Variants in LGALS9B observed in about 807,000 individuals in gnomAD.
LGALS9B encodes the protein galectin 9B.
LGALS9B carries 8 observed loss-of-function variants against 35.9 expected under a neutral mutation model. The ratio of observed to expected loss-of-function variants is 0.22; its 90% CI spans 0.13 to 0.40. LGALS9B has a LOEUF of 0.40. LGALS9B is among the 10% of genes least tolerant of loss of function. LGALS9B has a pLI of 1.00. For missense variants in LGALS9B, 101 were observed against 397.9 expected, an observed-to-expected ratio of 0.25 and a Z score of 6.35; for synonymous variants, 42 against 148.6, an observed-to-expected ratio of 0.28 and a Z score of 5.22.
At chr17:20,465,852 T>A (rs2042759081) in intron 1 of LGALS9B, among the ~76,000 whole-genome samples, 2 of 149,290 alleles carry the variant, frequency 1.3e-5, no homozygotes, top group South Asian at 4.4e-4. Flanking sequence ...GCCAGATGGG[T>A]CACCGAGTGA....
At chr17:20,461,141 C>T (rs1179434173) in intron 1 of LGALS9B, among the ~76,000 whole-genome samples, 379 of 149,866 alleles carry the variant, frequency 2.5e-3, no homozygotes, top group African/African-American at 8.9e-3. Flanking sequence ...TTCTCTCTTC[C>T]GCGCCTCTTT....
chr17:20,451,101 T>C (rs2142407934), intron 10 of LGALS9B, among the ~76,000 whole-genome samples: 1 of 151,312 alleles, frequency 6.6e-6, no homozygotes, highest in African/African-American at 2.4e-5. Context: ...ATGTGTCTGC[T>C]TCATGACTGC....
In LGALS9B at chr17:20,456,579, C is replaced by T; in HGVS notation, c.426G>A (p.Leu142=). ...GTCTGACCTGGAAGCTGATGTAGGA[C>T]AGCTGCACAGAGCCATTGACGGAGA... ...DTISVNGSVQ[L]SYISFQNPRT... is the part of the protein sequence containing the mutation. Residue 142 remains leucine (L), a synonymous_variant, in exon 4 of 11, where the codon CTG becomes CTA. Coordinates refer to ENST00000423676, the MANE Select transcript of LGALS9B (RefSeq NM_001367292.2). 3 of 711,460 alleles carry T rather than the reference C, an allele frequency of 4.2e-6. 1 individual carries two copies. Among genetic ancestry groups the T allele is most frequent in the Non-Finnish European group, 5.5e-6 (3 of 548,716 alleles). The allele number at this position is 711,460 out of a possible 1,614,324, so 44.1% of individuals were successfully genotyped here.
At chr17:20,461,842 C>T (rs865787714) in intron 1 of LGALS9B, among the ~76,000 whole-genome samples, 145 of 24,872 alleles carry the variant, frequency 5.8e-3, no homozygotes, top group African/African-American at 0.027. Context: ...TGGGGGAAAT[C>T]TTTTGTCAAA....
chr17:20,463,498 A>AT (rs1490526862), intron 1 of LGALS9B, among the ~76,000 whole-genome samples: 2 of 67,380 alleles, frequency 3.0e-5, no homozygotes, highest in Non-Finnish European at 6.2e-5. Context: ...GAAAAATGAG[A>AT]TTTTAAATTG....
At position 20,456,632 on chromosome 17, in the gene LGALS9B, G is replaced by A. The variant is rs568281867; in HGVS notation, c.373C>T (p.Arg125Cys). 3.6e-5 allele frequency: 24 copies of A among 670,096 alleles called. 7 individuals are homozygous for A. The highest frequency in any genetic ancestry group is 2.0e-4 in the East Asian group (5 of 24,900). The allele number at this position is 670,096 out of a possible 1,614,324, so 41.5% of individuals were successfully genotyped here. The change falls in exon 4 of 11, where the codon CGC becomes TGC. Residue 125 changes from arginine (R) to cysteine (C), a missense_variant. Physicochemically the swap from Arg to Cys is radical, Grantham distance 180. Coordinates refer to ENST00000423676, the MANE Select transcript of LGALS9B (RefSeq NM_001367292.2). ...GTGTCCACACGGTGGAAGGGCACGC[G>A]GTGGAAGTACTGCACGAAGAGGCTC... Reference protein sequence around the residue: ...NGSLFVQYFHRVPFHRVDTIS... With the variant: ...NGSLFVQYFHCVPFHRVDTIS...
chr17:20,450,759 G>A (rs1261471281), intron 10 of LGALS9B, among the ~76,000 whole-genome samples: 1 of 145,426 alleles, frequency 6.9e-6, no homozygotes, highest in South Asian at 2.2e-4. Context: ...ATTGCAGAGT[G>A]TAATCACTTC....
chr17:20,460,699 GC>G (rs2042721963), intron 1 of LGALS9B, among the ~76,000 whole-genome samples: 1 of 122,752 alleles, frequency 8.1e-6, no homozygotes, highest in South Asian at 2.9e-4. Context: ...GCGACAGGGA[GC>G]TGAGCTTGTG....
Position 20,449,900 on chromosome 17 carries a change from T to C in LGALS9B, c.*73A>G, listed in dbSNP as rs1289655636. On this transcript the variant is annotated 3_prime_UTR_variant, in exon 11 of 11. Transcript: ENST00000423676. ...CAGGCACGGTTGGAAAGGCTGGGCC[T>C]GGGAAGTGGGGATGATGAGAGGACC... is the stretch of plus-strand genomic sequence containing the variant. 1 of 1,028,490 alleles carries C rather than the reference T, an allele frequency of 9.7e-7. No individual in the cohort carries two copies. The highest frequency in any genetic ancestry group is 1.9e-5 in the African/African-American group (1 of 53,628). 63.7% of individuals were successfully genotyped at this position (1,028,490 alleles called of 1,614,324 possible). A position where few individuals can be genotyped will look rare whatever the true frequency, so the allele number is the denominator to read the frequency against.
At chr17:20,454,562 C>G (rs1321645670) in intron 5 of LGALS9B, among the ~76,000 whole-genome samples, 3 of 147,754 alleles carry the variant, frequency 2.0e-5, no homozygotes, top group Non-Finnish European at 4.5e-5. Context: ...GGGACAGACA[C>G]GCAAACAGTT....
At position 20,453,021 on chromosome 17, in the gene LGALS9B, A is replaced by T. The variant is rs200786387; in HGVS notation, c.623T>A (p.Phe208Tyr). The T allele has an allele frequency of 1.4e-6, 2 of 1,396,826 alleles. No individual in the cohort carries two copies. Among genetic ancestry groups the T allele is most frequent in the Non-Finnish European group, 2.0e-6 (2 of 998,612 alleles). 86.5% of individuals were successfully genotyped at this position (1,396,826 alleles called of 1,614,324 possible). The change falls in exon 7 of 11, where the codon TTC becomes TAC. Residue 208 changes from phenylalanine to tyrosine, a missense_variant. Transcript: ENST00000423676. Reference sequence around the variant, plus strand: ...GATCAGAACTTGAAGACTTACAGAGAACATCTGTCCAGAGGCGCTCTGCAC... The same window carrying T: ...GATCAGAACTTGAAGACTTACAGAGTACATCTGTCCAGAGGCGCTCTGCAC... The part of the protein sequence containing the change: ...HTVQSASGQM[F>Y]SQTPAIPPMM...
Position 20,458,260 on chromosome 17 carries a change from C to T in LGALS9B, c.256G>A (p.Glu86Lys). 1 of 1,613,960 alleles carries T rather than the reference C, an allele frequency of 6.2e-7. No homozygotes were observed. Among genetic ancestry groups the T allele is most frequent in the Non-Finnish European group, 8.5e-7 (1 of 1,179,934 alleles). The change falls in exon 3 of 11, where the codon GAG becomes AAG. Residue 86 changes from glutamate (E) to lysine (K), a missense_variant. By Grantham distance (56) the Glu-to-Lys change is moderately conservative (BLOSUM62 1). Transcript: ENST00000423676. ...TGGAAGGGCATGTGCATCTTCCTCT[C>T]CTCGGGCCCCCATCTTCCTTTCTGC... ...TRQKGRWGPE[E>K]RKMHMPFQKG... is the part of the protein sequence containing the mutation.
chr17:20,454,998 G>GT (rs112135716), intron 5 of LGALS9B, among the ~76,000 whole-genome samples: 49,447 of 128,832 alleles, frequency 0.38, 6,490 homozygotes, highest in Middle Eastern at 0.46. Flanking sequence ...GCGGTTGGGT[G>GT]TGGGGGGTGG....
At chr17:20,454,088 A>G (rs1455820007) in intron 5 of LGALS9B, among the ~76,000 whole-genome samples, 1 of 124,566 alleles carries the variant, frequency 8.0e-6, no homozygotes. Flanking sequence ...GGTGGAAGGG[A>G]TCAAATCCAA....
chr17:20,461,199 C>T (rs892478327), intron 1 of LGALS9B, among the ~76,000 whole-genome samples: 1 of 151,502 alleles, frequency 6.6e-6, no homozygotes, highest in South Asian at 2.1e-4. Context: ...TGGAGTCAGG[C>T]GGACTCCAGG....
chr17:20,465,132 C>T (rs550116911), intron 1 of LGALS9B, among the ~76,000 whole-genome samples: 38 of 149,876 alleles, frequency 2.5e-4, no homozygotes, highest in African/African-American at 4.4e-4. Context: ...CTGAGCCCTG[C>T]GGACCAGAAT....
At chr17:20,456,080 CA>C (rs2042688489) in intron 4 of LGALS9B, among the ~76,000 whole-genome samples, 2 of 151,108 alleles carry the variant, frequency 1.3e-5, no homozygotes, top group African/African-American at 4.9e-5. Flanking sequence ...GGTGTGGGCC[CA>C]GGGGCGCCAT....
chr17:20,457,321 T>C (rs917115514), intron 3 of LGALS9B: 2 of 97,670 alleles, frequency 2.0e-5, no homozygotes, highest in Non-Finnish European at 4.6e-5. Flanking sequence ...GATCTGCAGG[T>C]TTGTTAACTA....
intron 1 of LGALS9B, among the ~76,000 whole-genome samples, chr17:20,466,271 G>A (rs1426306169): frequency 1.1e-4 from 16 of 150,492 alleles, no homozygotes; most frequent in Admixed American, 2.0e-4. Flanking sequence ...GAGGAAACAG[G>A]CCTCCTTTCT....
Sources: gnomAD v4.1 joint callset for allele counts (sites outside exome capture counted in the v4.1 genomes callset) on GRCh38, gnomAD v4.1.1 for gene constraint, MANE v1.5 for transcripts, NCBI Gene and HGNC (gene_info 2026-07-23, HGNC 2026-07-21) for gene names.